Variants in SLC24A3 observed in about 807,000 individuals in gnomAD.
The protein encoded by SLC24A3 is sodium/potassium/calcium exchanger 3.
A neutral mutation model predicts 75.8 loss-of-function variants in SLC24A3; 28 were observed. That is an observed-to-expected ratio of 0.37 (90% CI 0.27 to 0.51). The LOEUF (loss-of-function observed/expected upper bound fraction) is 0.51, where lower values mean the gene tolerates loss of function less well. Ranked by LOEUF, SLC24A3 falls within the 20% of genes least tolerant of loss-of-function variation. SLC24A3 has a pLI of 0.94. For missense variants in SLC24A3, 663 were observed against 847.8 expected, an observed-to-expected ratio of 0.78 and a Z score of 2.71; for synonymous variants, 372 against 334.1, an observed-to-expected ratio of 1.11 and a Z score of -1.24.
At chr20:19,407,880 T>C (rs1033322430) in intron 2 of SLC24A3, among the ~76,000 whole-genome samples, 2 of 152,254 alleles carry the variant, frequency 1.3e-5, no homozygotes, top group African/African-American at 4.8e-5. Flanking sequence ...CTTCTACTTC[T>C]TTCTGCATTC....
chr20:19,494,129 A>G (rs1466693047), intron 2 of SLC24A3, among the ~76,000 whole-genome samples: 1 of 140 alleles, frequency 7.1e-3, no homozygotes, highest in Non-Finnish European at 0.016. Context: ...AGCCTCGGCC[A>G]CCAGGCCCCA....
intron 2 of SLC24A3, among the ~76,000 whole-genome samples, chr20:19,383,344 C>T (rs180713265): frequency 6.6e-6 from 1 of 152,134 alleles, no homozygotes; most frequent in African/African-American, 2.4e-5. Context: ...ATAGGGGAGA[C>T]AAACTGTTTC....
intron 2 of SLC24A3, among the ~76,000 whole-genome samples, chr20:19,390,107 G>T (rs1986341067): frequency 6.6e-6 from 1 of 151,972 alleles, no homozygotes; most frequent in Non-Finnish European, 1.5e-5. Flanking sequence ...TTACCATTTT[G>T]GTTTTTTGTT....
chr20:19,695,174 C>T (rs188491282), intron 13 of SLC24A3, among the ~76,000 whole-genome samples: 1 of 152,284 alleles, frequency 6.6e-6, no homozygotes, highest in Admixed American at 6.5e-5. Context: ...ACTCACATCC[C>T]CCCAATCTTT....
chr20:19,493,442 A>G (rs976801195), intron 2 of SLC24A3, among the ~76,000 whole-genome samples: 3 of 152,188 alleles, frequency 2.0e-5, no homozygotes, highest in Non-Finnish European at 4.4e-5. Context: ...TAGAGTTGGT[A>G]CTCCAAAATT....
chr20:19,301,025 A>G (rs966780465), intron 2 of SLC24A3, among the ~76,000 whole-genome samples: 2 of 152,102 alleles, frequency 1.3e-5, no homozygotes, highest in African/African-American at 2.4e-5. Flanking sequence ...TGACCTCCAC[A>G]CCGAGCCTCT....
chr20:19,427,116 T>G (rs1489643633), intron 2 of SLC24A3, among the ~76,000 whole-genome samples: 1 of 152,120 alleles, frequency 6.6e-6, no homozygotes, highest in Admixed American at 6.5e-5. Context: ...TGCATATGTG[T>G]GCACACGTGT....
At chr20:19,266,876 A>G (rs1400393442) in intron 1 of SLC24A3, among the ~76,000 whole-genome samples, 1 of 152,190 alleles carries the variant, frequency 6.6e-6, no homozygotes, top group East Asian at 1.9e-4. Context: ...TACGTTATGT[A>G]TATATATGTA....
At chr20:19,466,431 T>A (rs1029822121) in intron 2 of SLC24A3, among the ~76,000 whole-genome samples, 1 of 152,202 alleles carries the variant, frequency 6.6e-6, no homozygotes, top group Admixed American at 6.5e-5. Flanking sequence ...CAGTGTGCAG[T>A]GGAAGTGGCT....
intron 9 of SLC24A3, among the ~76,000 whole-genome samples, chr20:19,679,775 TATC>T (rs1210925034): frequency 6.6e-6 from 1 of 152,232 alleles, no homozygotes; most frequent in Non-Finnish European, 1.5e-5. Flanking sequence ...GTTTCATAAA[TATC>T]ATAAATATTT....
At chr20:19,476,784 C>T (rs1987968822) in intron 2 of SLC24A3, among the ~76,000 whole-genome samples, 1 of 152,052 alleles carries the variant, frequency 6.6e-6, no homozygotes, top group Non-Finnish European at 1.5e-5. Flanking sequence ...AGGCAGGGCT[C>T]CTCTCCCAAA....
At chr20:19,702,476 A>G (rs2122152098) in intron 15 of SLC24A3, among the ~76,000 whole-genome samples, 1 of 152,306 alleles carries the variant, frequency 6.6e-6, no homozygotes, top group African/African-American at 2.4e-5. Flanking sequence ...GGGGAAATGC[A>G]GGAGAAGAAA....
At chr20:19,565,045 A>G (rs2030933092) in intron 3 of SLC24A3, among the ~76,000 whole-genome samples, 1 of 152,164 alleles carries the variant, frequency 6.6e-6, no homozygotes, top group African/African-American at 2.4e-5. Flanking sequence ...ACCTCAGGTG[A>G]TCCACCCACC....
chr20:19,527,017 G>A (rs537338121), intron 3 of SLC24A3, among the ~76,000 whole-genome samples: 15 of 151,778 alleles, frequency 9.9e-5, no homozygotes, highest in African/African-American at 2.4e-4. Flanking sequence ...CATGTATCAC[G>A]GCCTAGCAAA....
chr20:19,340,179 G>A (rs1985236224), intron 2 of SLC24A3, among the ~76,000 whole-genome samples: 1 of 152,162 alleles, frequency 6.6e-6, no homozygotes, highest in African/African-American at 2.4e-5. Context: ...AAGTTAAAAT[G>A]AGTTTATTAG....
At chr20:19,263,033 TTG>T (rs11473481) in intron 1 of SLC24A3, among the ~76,000 whole-genome samples, 4,394 of 143,048 alleles carry the variant, frequency 0.031, 87 homozygotes, top group Admixed American at 0.048. Flanking sequence ...ACTCCAGCCT[TTG>T]TGTGTGTGTG....
intron 2 of SLC24A3, among the ~76,000 whole-genome samples, chr20:19,451,277 G>A (rs1452766170): frequency 6.6e-6 from 1 of 152,202 alleles, no homozygotes; most frequent in Non-Finnish European, 1.5e-5. Flanking sequence ...TGCCTCTTCA[G>A]TCAAAGGTCC....
At chr20:19,303,364 G>A (rs1242795548) in intron 2 of SLC24A3, among the ~76,000 whole-genome samples, 2 of 152,290 alleles carry the variant, frequency 1.3e-5, no homozygotes, top group Middle Eastern at 3.4e-3. Context: ...CGGCTGCATG[G>A]TATTCCATAG....
chr20:19,249,558 T>C (rs777168363), intron 1 of SLC24A3, among the ~76,000 whole-genome samples: 8 of 152,200 alleles, frequency 5.3e-5, no homozygotes, highest in Non-Finnish European at 1.0e-4. Context: ...TGTGAACATA[T>C]TTCATTTCTT....
Sources: gnomAD v4.1 joint callset for allele counts (sites outside exome capture counted in the v4.1 genomes callset) on GRCh38, gnomAD v4.1.1 for gene constraint, MANE v1.5 for transcripts, NCBI Gene and HGNC (gene_info 2026-07-23, HGNC 2026-07-21) for gene names.